The following CA10 variants were observed in gnomAD, a reference collection of about 807,000 sequenced individuals.
CA10 encodes the protein carbonic anhydrase-related protein 10.
Under a neutral mutation model 44.2 loss-of-function variants are expected in CA10, and 14 were observed. The observed-to-expected ratio is 0.32, with a 90% CI of 0.21 to 0.50. The LOEUF is 0.50. Ranked by LOEUF, CA10 falls within the 20% of genes least tolerant of loss-of-function variation. The probability of loss-of-function intolerance (pLI) is 0.99; values close to 1 mark genes in which losing one functional copy is unlikely to be tolerated. For missense variants in CA10, 350 were observed against 409.7 expected, an observed-to-expected ratio of 0.85 and a Z score of 1.26; for synonymous variants, 159 against 141.6, an observed-to-expected ratio of 1.12 and a Z score of -0.87.
chr17:51,655,127 T>C (rs1018357066), intron 4 of CA10, among the ~76,000 whole-genome samples: 3 of 152,182 alleles, frequency 2.0e-5, no homozygotes, highest in African/African-American at 7.2e-5. Context: ...AATTTAAAAG[T>C]AGTTTGTAGC....
At chr17:52,143,335 G>T (rs756923149) in intron 1 of CA10, among the ~76,000 whole-genome samples, 2 of 152,020 alleles carry the variant, frequency 1.3e-5, no homozygotes, top group Non-Finnish European at 2.9e-5. Context: ...TTTTAAATAA[G>T]TAAAAAATGC....
chr17:51,706,023 T>G (rs1915752553), intron 4 of CA10, among the ~76,000 whole-genome samples: 1 of 152,176 alleles, frequency 6.6e-6, no homozygotes, highest in African/African-American at 2.4e-5. Flanking sequence ...GCGCAGTGGT[T>G]GAGGGAATGT....
intron 2 of CA10, among the ~76,000 whole-genome samples, chr17:51,946,142 G>C (rs913473989): frequency 1.3e-5 from 2 of 152,132 alleles, no homozygotes; most frequent in Non-Finnish European, 2.9e-5. Flanking sequence ...AGTTACCAGG[G>C]CTGGGACAAG....
chr17:51,898,681 G>A (rs1203755205), intron 3 of CA10, among the ~76,000 whole-genome samples: 1 of 152,050 alleles, frequency 6.6e-6, no homozygotes, highest in Non-Finnish European at 1.5e-5. Flanking sequence ...TCTGGTCCTG[G>A]GCTTTGTCTG....
chr17:51,861,544 T>TG (rs1006844919), intron 3 of CA10, among the ~76,000 whole-genome samples: 17 of 92,800 alleles, frequency 1.8e-4, no homozygotes, highest in South Asian at 5.8e-4. Flanking sequence ...CAGATGTGTG[T>TG]TTTTTTTTTT....
chr17:52,094,022 T>C (rs969292960), intron 1 of CA10, among the ~76,000 whole-genome samples: 1 of 152,136 alleles, frequency 6.6e-6, no homozygotes, highest in Non-Finnish European at 1.5e-5. Context: ...GAAACCATCA[T>C]TCTCAGCAAA....
At chr17:51,696,167 T>A (rs1327040152) in intron 4 of CA10, among the ~76,000 whole-genome samples, 1 of 152,194 alleles carries the variant, frequency 6.6e-6, no homozygotes, top group African/African-American at 2.4e-5. Flanking sequence ...GGTGTCAGGG[T>A]GATGCTGGCT....
chr17:51,770,221 C>T (rs1905549341), intron 3 of CA10, among the ~76,000 whole-genome samples: 1 of 151,568 alleles, frequency 6.6e-6, no homozygotes, highest in Admixed American at 6.6e-5. Context: ...TCCTGACACC[C>T]TCCCCGCCCC....
intron 2 of CA10, among the ~76,000 whole-genome samples, chr17:51,965,388 A>G (rs571659589): frequency 7.9e-5 from 12 of 152,020 alleles, no homozygotes; most frequent in South Asian, 2.1e-4. Flanking sequence ...TGAAACCAGC[A>G]TCAGCCTAAT....
At chr17:52,059,621 T>C (rs1446253576) in intron 2 of CA10, among the ~76,000 whole-genome samples, 4 of 151,732 alleles carry the variant, frequency 2.6e-5, no homozygotes, top group South Asian at 2.1e-4. Flanking sequence ...TGTATACATA[T>C]GTATCAAAAC....
intron 3 of CA10, among the ~76,000 whole-genome samples, chr17:51,760,358 C>A (rs1413753126): frequency 2.6e-5 from 4 of 152,228 alleles, no homozygotes; most frequent in African/African-American, 9.6e-5. Flanking sequence ...GGCTCTCTCT[C>A]ACTATGACTG....
chr17:51,942,775 A>G (rs1983133326), intron 2 of CA10, among the ~76,000 whole-genome samples: 1 of 152,032 alleles, frequency 6.6e-6, no homozygotes, highest in Admixed American at 6.6e-5. Context: ...ATGGTCCACA[A>G]CAGAATTTAG....
chr17:51,796,310 A>ATC (rs1906706962), intron 3 of CA10, among the ~76,000 whole-genome samples: 1 of 152,018 alleles, frequency 6.6e-6, no homozygotes, highest in African/African-American at 2.4e-5. Context: ...CCTGACCTAG[A>ATC]TCACCTGCCC....
chr17:52,094,769 A>G (rs1988361583), intron 1 of CA10, among the ~76,000 whole-genome samples: 1 of 152,150 alleles, frequency 6.6e-6, no homozygotes, highest in Non-Finnish European at 1.5e-5. Context: ...AAATGCCACT[A>G]CCACCACCAG....
At chr17:51,799,070 A>T (rs753825593) in intron 3 of CA10, among the ~76,000 whole-genome samples, 7 of 152,222 alleles carry the variant, frequency 4.6e-5, no homozygotes, top group Non-Finnish European at 7.3e-5. Context: ...AGTCATAGCT[A>T]CTTGGTCAAA....
At chr17:51,911,379 A>G (rs917925996) in intron 3 of CA10, among the ~76,000 whole-genome samples, 5 of 152,174 alleles carry the variant, frequency 3.3e-5, no homozygotes, top group Admixed American at 3.3e-4. Flanking sequence ...TAAGTGAGAG[A>G]ATGCTCTTGG....
intron 2 of CA10, among the ~76,000 whole-genome samples, chr17:51,931,525 G>C (rs1451334887): frequency 1.3e-5 from 2 of 152,106 alleles, no homozygotes; most frequent in African/African-American, 4.8e-5. Context: ...AGAACGATGT[G>C]AAAATCAACC....
intron 4 of CA10, chr17:51,661,815 A>G (rs1309475455): frequency 1.3e-5 from 2 of 152,258 alleles, no homozygotes; most frequent in Non-Finnish European, 2.9e-5. Flanking sequence ...CGAATGGCTC[A>G]TACTGTAATT....
intron 3 of CA10, among the ~76,000 whole-genome samples, chr17:51,820,942 T>C: frequency 6.6e-6 from 1 of 151,952 alleles, no homozygotes; most frequent in Non-Finnish European, 1.5e-5. Context: ...TTGAGGATTG[T>C]TACCCCAGGT....
Sources: allele counts gnomAD v4.1 joint callset (sites outside exome capture counted in the v4.1 genomes callset), GRCh38; gene constraint gnomAD v4.1.1; transcripts MANE v1.5; gene names NCBI Gene and HGNC (gene_info 2026-07-23, HGNC 2026-07-21).